PCDH11Y: variants seen among roughly 807,000 people sequenced by gnomAD.
PCDH11Y encodes protocadherin-11 Y-linked.
For synonymous variants in PCDH11Y, 9 were observed against 83.6 expected (o/e 0.11, Z 4.87); for missense variants, 12 against 224.8 (o/e 0.05, Z 6.05).
chrY:5,200,329 A>G, intron 2 of PCDH11Y, among the ~76,000 whole-genome samples: 2 of 32,837 alleles, frequency 6.1e-5, no homozygotes, highest in Non-Finnish European at 1.5e-4. Context: ...AAGGTAGTTT[A>G]CTGACTTGTG....
At chrY:5,599,117 A>C in intron 4 of PCDH11Y, among the ~76,000 whole-genome samples, 1 of 32,303 alleles carries the variant, frequency 3.1e-5, no homozygotes, top group African/African-American at 1.2e-4. Context: ...TTTATACATC[A>C]AGAAACATGA....
intron 4 of PCDH11Y, among the ~76,000 whole-genome samples, chrY:5,701,757 C>A (rs2053578107): frequency 3.0e-5 from 1 of 32,885 alleles, no homozygotes. Context: ...ATCCTCCAGG[C>A]CCCATAATAG....
At chrY:5,568,436 T>C in intron 3 of PCDH11Y, among the ~76,000 whole-genome samples, 1 of 31,278 alleles carries the variant, frequency 3.2e-5, no homozygotes, top group African/African-American at 1.2e-4. Context: ...GAAAATATTT[T>C]GAGGAAATGT....
At chrY:5,386,168 G>T (rs2053215179) in intron 2 of PCDH11Y, among the ~76,000 whole-genome samples, 2 of 33,500 alleles carry the variant, frequency 6.0e-5, no homozygotes, top group Non-Finnish European at 1.5e-4. Flanking sequence ...GTTTAAAGAA[G>T]TTAAAGATAG....
At chrY:5,437,216 A>G in intron 2 of PCDH11Y, among the ~76,000 whole-genome samples, 1 of 32,077 alleles carries the variant, frequency 3.1e-5, no homozygotes, top group African/African-American at 1.2e-4. Context: ...GCATTGTAAT[A>G]AACAAATACT....
chrY:5,453,638 C>T (rs2053295178), intron 2 of PCDH11Y, among the ~76,000 whole-genome samples: 1 of 33,362 alleles, frequency 3.0e-5, no homozygotes, highest in Admixed American at 2.7e-4. Flanking sequence ...GGCATCTGCT[C>T]ACCTTCTGGG....
At chrY:5,156,704 T>C in intron 2 of PCDH11Y, among the ~76,000 whole-genome samples, 1 of 31,074 alleles carries the variant, frequency 3.2e-5, no homozygotes, top group African/African-American at 1.3e-4. Flanking sequence ...TTTGTGCCAG[T>C]TGAAAAACTG....
intron 4 of PCDH11Y, among the ~76,000 whole-genome samples, chrY:5,587,010 G>A: frequency 7.2e-4 from 23 of 31,786 alleles, no homozygotes; most frequent in African/African-American, 2.8e-3. Flanking sequence ...TTTAAGATGC[G>A]TCGTTAGGTT....
intron 1 of PCDH11Y, among the ~76,000 whole-genome samples, chrY:5,085,692 T>G (rs2124632775): frequency 3.4e-5 from 1 of 29,100 alleles, no homozygotes; most frequent in South Asian, 8.3e-4. Flanking sequence ...TTTATTTTCC[T>G]TCAGCACTCT....
At chrY:5,343,333 A>G (rs80200914) in intron 2 of PCDH11Y, among the ~76,000 whole-genome samples, 1 of 27,978 alleles carries the variant, frequency 3.6e-5, no homozygotes, top group African/African-American at 1.4e-4. Flanking sequence ...GGCTCACTGC[A>G]AGCTCCACCT....
chrY:5,682,249 T>TG (rs2053559219), intron 4 of PCDH11Y, among the ~76,000 whole-genome samples: 1 of 9,852 alleles, frequency 1.0e-4, no homozygotes, highest in South Asian at 3.6e-3. Flanking sequence ...GTTTTTTTTT[T>TG]TTTTTTTTTT....
In PCDH11Y at chrY:5,336,995, A is replaced by G; in HGVS notation, c.3130-164062A>G. On this transcript the variant is annotated intron_variant, in intron 2 of 4. Coordinates refer to the PCDH11Y transcript ENST00000400457. ...AACTATTAATGATTTTCATCCTATA[A>G]TTGCTACCTACTGTCATTTGTGTGG... Among the ~76,000 whole-genome samples, 3 of 33,288 alleles carry G rather than the reference A, an allele frequency of 9.0e-5. No homozygotes were observed. The East Asian group carries it at 2.4e-3, about 26-fold the overall frequency. The allele number at this position is 33,288 out of a possible 37,273, so 89.3% of individuals were successfully genotyped here.
chrY:5,348,394 A>G, intron 2 of PCDH11Y, among the ~76,000 whole-genome samples: 1 of 33,457 alleles, frequency 3.0e-5, no homozygotes, highest in South Asian at 6.7e-4. Context: ...TTCAAAACCT[A>G]AATAATAATG....
At chrY:5,565,980 T>G (rs1602944144) in intron 3 of PCDH11Y, among the ~76,000 whole-genome samples, 1 of 20,490 alleles carries the variant, frequency 4.9e-5, no homozygotes, top group Non-Finnish European at 1.1e-4. Context: ...TATATATATG[T>G]TTTTTTTTTT....
At chrY:5,567,085 C>T (rs2053435922) in intron 3 of PCDH11Y, among the ~76,000 whole-genome samples, 1 of 30,736 alleles carries the variant, frequency 3.3e-5, no homozygotes, top group African/African-American at 1.3e-4. Flanking sequence ...TTTTATGGTA[C>T]GACATACAGT....
At position 5,373,272 on chromosome Y, in the gene PCDH11Y, T is replaced by C. The variant is rs2053192869; in HGVS notation, c.3130-127785T>C. 5.0e-4 allele frequency among the ~76,000 whole-genome samples: 10 copies of C among 19,953 alleles called. No homozygotes were observed. The South Asian group carries it at 0.016, about 31-fold the overall frequency. The allele number at this position is 19,953 out of a possible 37,273, so 53.5% of individuals were successfully genotyped here. A position where few individuals can be genotyped will look rare whatever the true frequency, so the allele number is the denominator to read the frequency against. ...CACAATCTGGGCTCACTGCAACCTC[T>C]GCGTCCCAGGTTCAAGCGATTTTCC... On this transcript the variant is annotated intron_variant, in intron 2 of 4. Coordinates refer to the PCDH11Y transcript ENST00000400457.
At chrY:5,131,326 G>A (rs2052833794) in intron 2 of PCDH11Y, among the ~76,000 whole-genome samples, 1 of 33,365 alleles carries the variant, frequency 3.0e-5, no homozygotes. Flanking sequence ...AAATGGTATA[G>A]TAAAAGAAAA....
chrY:5,179,296 T>C (rs2052897348), intron 2 of PCDH11Y, among the ~76,000 whole-genome samples: 1 of 33,057 alleles, frequency 3.0e-5, no homozygotes, highest in Admixed American at 2.8e-4. Context: ...TCTGTTGTTT[T>C]TTGAATTTTT....
chrY:5,285,698 T>A (rs2053059342), intron 2 of PCDH11Y, among the ~76,000 whole-genome samples: 1 of 34,018 alleles, frequency 2.9e-5, no homozygotes, highest in Non-Finnish European at 7.3e-5. Context: ...CACATGTATG[T>A]ACACTTTTGG....
Sources: gnomAD v4.1 joint callset for allele counts (sites outside exome capture counted in the v4.1 genomes callset) on GRCh38, gnomAD v4.1.1 for gene constraint, MANE v1.5 for transcripts, NCBI Gene and HGNC (gene_info 2026-07-23, HGNC 2026-07-21) for gene names.